Variants in CACNA2D3 observed in about 807,000 individuals in gnomAD.
The protein encoded by CACNA2D3 is voltage-dependent calcium channel subunit alpha-2/delta-3.
In CACNA2D3, 60 loss-of-function variants were observed where a neutral mutation model predicts 160.6. The ratio of observed to expected loss-of-function variants is 0.37; its 90% CI spans 0.30 to 0.46. The LOEUF is 0.46. CACNA2D3 is among the 20% of genes least tolerant of loss of function. The pLI, the probability that CACNA2D3 is intolerant of heterozygous loss-of-function variation, is 1.00. For missense variants in CACNA2D3, 1,205 were observed against 1,365.0 expected (o/e 0.88, Z 1.85); for synonymous variants, 558 against 492.9 (o/e 1.13, Z -1.75).
At chr3:54,989,166 A>G (rs748933337) in intron 31 of CACNA2D3, among the ~76,000 whole-genome samples, 16 of 152,228 alleles carry the variant, frequency 1.1e-4, no homozygotes, top group Non-Finnish European at 2.1e-4. Flanking sequence ...GGAGGAGACA[A>G]AAGATGAGGA....
intron 11 of CACNA2D3, among the ~76,000 whole-genome samples, chr3:54,711,442 A>C (rs55670886): frequency 0.083 from 12,692 of 152,222 alleles, 763 homozygotes; most frequent in African/African-American, 0.17. Context: ...TGACACTATC[A>C]TAGTCTCAGG....
intron 9 of CACNA2D3, among the ~76,000 whole-genome samples, chr3:54,613,639 C>T (rs540643350): frequency 4.6e-5 from 7 of 152,312 alleles, no homozygotes; most frequent in African/African-American, 1.7e-4. Context: ...TAAACAACCA[C>T]TGTAGCCAAT....
At chr3:54,641,362 T>A (rs763441067) in intron 10 of CACNA2D3, among the ~76,000 whole-genome samples, 9 of 152,188 alleles carry the variant, frequency 5.9e-5, no homozygotes, top group Non-Finnish European at 8.8e-5. Context: ...CATGAAGAGT[T>A]GAAGTCAGCA....
intron 30 of CACNA2D3, among the ~76,000 whole-genome samples, chr3:54,986,217 A>T (rs1575422729): frequency 2.0e-5 from 3 of 152,120 alleles, no homozygotes; most frequent in Admixed American, 2.0e-4. Flanking sequence ...CCAACAAATG[A>T]TGGAAACAGT....
chr3:54,669,176 C>T (rs1299403214), intron 11 of CACNA2D3, among the ~76,000 whole-genome samples: 1 of 152,140 alleles, frequency 6.6e-6, no homozygotes, highest in East Asian at 1.9e-4. Flanking sequence ...CAGAAGGGCC[C>T]CATGCTTGGC....
chr3:54,812,397 AG>A (rs1232750689), intron 13 of CACNA2D3, among the ~76,000 whole-genome samples: 2 of 152,230 alleles, frequency 1.3e-5, no homozygotes, highest in Non-Finnish European at 2.9e-5. Flanking sequence ...TTTGAGACAC[AG>A]ACAACTGACC....
At position 54,244,035 on chromosome 3, in the gene CACNA2D3, A is replaced by T. The variant is rs1052145187; in HGVS notation, c.205-76407A>T. 2.6e-5 allele frequency among the ~76,000 whole-genome samples: 4 copies of T among 152,206 alleles called. No homozygotes were observed. The East Asian group carries it at 7.7e-4, about 29-fold the overall frequency. ...TGGAAACAGACCTGACCACCTGATG[A>T]TAGCACCTTCTCCCTCAGAGCCTAG... On this transcript the variant is annotated intron_variant, in intron 2 of 37. Coordinates refer to ENST00000474759, the MANE Select transcript of CACNA2D3 (RefSeq NM_018398.3).
At chr3:54,783,360 C>G (rs978441091) in intron 13 of CACNA2D3, among the ~76,000 whole-genome samples, 6 of 152,162 alleles carry the variant, frequency 3.9e-5, no homozygotes, top group African/African-American at 1.4e-4. Context: ...AATCCCAGCA[C>G]TTTGGGAGGC....
intron 30 of CACNA2D3, among the ~76,000 whole-genome samples, chr3:54,986,256 G>A (rs1702610363): frequency 1.3e-5 from 2 of 152,094 alleles, no homozygotes; most frequent in African/African-American, 2.4e-5. Context: ...AGCAGCCATG[G>A]CCACTACAGA....
At chr3:54,717,328 A>T (rs746194612) in intron 11 of CACNA2D3, among the ~76,000 whole-genome samples, 1 of 152,198 alleles carries the variant, frequency 6.6e-6, no homozygotes, top group Non-Finnish European at 1.5e-5. Context: ...ATACATTTCT[A>T]TTAGGGAATA....
At chr3:54,344,564 C>T (rs1698422762) in intron 3 of CACNA2D3, among the ~76,000 whole-genome samples, 1 of 152,220 alleles carries the variant, frequency 6.6e-6, no homozygotes, top group Admixed American at 6.5e-5. Flanking sequence ...CCTCAGGCAA[C>T]TTTTCTCTAG....
intron 5 of CACNA2D3, among the ~76,000 whole-genome samples, chr3:54,534,076 C>T (rs957736154): frequency 1.3e-5 from 2 of 152,122 alleles, no homozygotes; most frequent in African/African-American, 4.8e-5. Context: ...CTTCCATTGC[C>T]ACCCTCCTTG....
intron 2 of CACNA2D3, among the ~76,000 whole-genome samples, chr3:54,147,588 C>A (rs1341499667): frequency 2.0e-5 from 3 of 152,238 alleles, no homozygotes; most frequent in African/African-American, 4.8e-5. Context: ...CTCTGTGTGA[C>A]CTTGGGCAAG....
intron 2 of CACNA2D3, among the ~76,000 whole-genome samples, chr3:54,217,304 C>G (rs921229317): frequency 6.6e-6 from 1 of 152,188 alleles, no homozygotes; most frequent in Non-Finnish European, 1.5e-5. Context: ...GCAGCCTCAG[C>G]CAGTGGCAGT....
chr3:54,321,822 C>T (rs868096413), intron 3 of CACNA2D3, among the ~76,000 whole-genome samples: 25 of 146,640 alleles, frequency 1.7e-4, no homozygotes, highest in Middle Eastern at 3.8e-3. Flanking sequence ...CTTCAAGGTT[C>T]TTTATGCATA....
At chr3:54,823,320 T>C (rs1173392289) in intron 14 of CACNA2D3, among the ~76,000 whole-genome samples, 3 of 152,212 alleles carry the variant, frequency 2.0e-5, no homozygotes, top group Non-Finnish European at 2.9e-5. Context: ...ATATACTATT[T>C]TTCCTGATTA....
intron 27 of CACNA2D3, among the ~76,000 whole-genome samples, chr3:54,929,832 C>T (rs1701141149): frequency 2.6e-5 from 4 of 152,144 alleles, no homozygotes; most frequent in Admixed American, 2.0e-4. Flanking sequence ...GAAATACATA[C>T]ATAACCATCA....
chr3:54,618,684 C>G (rs1201244555), intron 9 of CACNA2D3, among the ~76,000 whole-genome samples: 1 of 152,128 alleles, frequency 6.6e-6, no homozygotes, highest in Non-Finnish European at 1.5e-5. Flanking sequence ...AATATGGCTC[C>G]TAACCTGTGT....
chr3:54,162,295 G>A (rs1442792881), intron 2 of CACNA2D3, among the ~76,000 whole-genome samples: 2 of 152,154 alleles, frequency 1.3e-5, no homozygotes, highest in African/African-American at 4.8e-5. Flanking sequence ...GGTGGCCTGT[G>A]TCTGCTGGGA....
Sources: gnomAD v4.1 joint callset for allele counts (sites outside exome capture counted in the v4.1 genomes callset) on GRCh38, gnomAD v4.1.1 for gene constraint, MANE v1.5 for transcripts, NCBI Gene and HGNC (gene_info 2026-07-23, HGNC 2026-07-21) for gene names.